Variants in FSTL4 observed in about 807,000 individuals in gnomAD.
The protein encoded by FSTL4 is follistatin-related protein 4.
Under a neutral mutation model 78.2 loss-of-function variants are expected in FSTL4, and 28 were observed. The ratio of observed to expected loss-of-function variants is 0.36; its 90% confidence interval spans 0.27 to 0.49. FSTL4 has a LOEUF of 0.49. FSTL4 is among the 20% of genes least tolerant of loss of function. The pLI, the probability that FSTL4 is intolerant of heterozygous loss-of-function variation, is 0.98. For missense variants in FSTL4, 922 were observed against 1,084.9 expected (o/e 0.85, Z 2.11); for synonymous variants, 422 against 440.5 (o/e 0.96, Z 0.53).
intron 3 of FSTL4, among the ~76,000 whole-genome samples, chr5:133,469,048 T>G (rs25878): frequency 0.47 from 71,720 of 151,990 alleles, 17,204 homozygotes; most frequent in Non-Finnish European, 0.52. Context: ...TGCACTGACC[T>G]CACAGAAGTC....
chr5:133,715,861 C>T, the FSTL4 span, among the ~76,000 whole-genome samples: 12 of 152,350 alleles, frequency 7.9e-5, no homozygotes, highest in East Asian at 1.7e-3. Context: ...TTTCCCCACT[C>T]AGCTCCACAG....
the FSTL4 span, among the ~76,000 whole-genome samples, chr5:133,738,490 G>A: frequency 6.6e-6 from 1 of 152,280 alleles, no homozygotes; most frequent in Non-Finnish European, 1.5e-5. Context: ...GAATGAGCCT[G>A]TGTACTTGAA....
the FSTL4 span, among the ~76,000 whole-genome samples, chr5:133,823,392 C>A: frequency 2.0e-5 from 3 of 152,206 alleles, no homozygotes; most frequent in Admixed American, 2.0e-4. Context: ...AATCTCTCCC[C>A]AGCCCTGCAC....
chr5:133,824,671 C>T, the FSTL4 span, among the ~76,000 whole-genome samples: 8 of 152,212 alleles, frequency 5.3e-5, no homozygotes, highest in Non-Finnish European at 1.0e-4. Flanking sequence ...ACACTGGAAG[C>T]ACCTGCTTGT....
At chr5:133,442,897 C>A (rs1757187653) in intron 3 of FSTL4, among the ~76,000 whole-genome samples, 1 of 152,226 alleles carries the variant, frequency 6.6e-6, no homozygotes, top group African/African-American at 2.4e-5. Context: ...ACACACCATA[C>A]CTTCTTCAAA....
the FSTL4 span, among the ~76,000 whole-genome samples, chr5:133,699,603 C>T: frequency 5.3e-5 from 8 of 152,154 alleles, no homozygotes; most frequent in South Asian, 2.1e-4. Flanking sequence ...GTGCCATGGC[C>T]GGGCGCGGTG....
chr5:133,818,941 A>ATATATATATATATATG, the FSTL4 span, among the ~76,000 whole-genome samples: 6 of 125,540 alleles, frequency 4.8e-5, 1 homozygote, highest in African/African-American at 1.9e-4. Context: ...CTATATATAT[A>ATATATATATATATATG]TATATGTACA....
At chr5:133,413,424 C>T (rs903955424) in intron 3 of FSTL4, among the ~76,000 whole-genome samples, 25 of 152,138 alleles carry the variant, frequency 1.6e-4, no homozygotes, top group Non-Finnish European at 3.5e-4. Flanking sequence ...ATAGCCTTTT[C>T]ATTCCCTTAT....
intron 4 of FSTL4, among the ~76,000 whole-genome samples, chr5:133,385,146 C>T (rs1256366372): frequency 6.6e-6 from 1 of 152,210 alleles, no homozygotes; most frequent in Non-Finnish European, 1.5e-5. Context: ...CCTCTTGGAC[C>T]CCCGCCACCG....
chr5:133,582,432 C>T (rs1301103141), intron 2 of FSTL4, among the ~76,000 whole-genome samples: 1 of 152,184 alleles, frequency 6.6e-6, no homozygotes, highest in Non-Finnish European at 1.5e-5. Flanking sequence ...TATCTGGTAG[C>T]TGCTGTCCAC....
At chr5:133,654,877 T>C in the FSTL4 span, among the ~76,000 whole-genome samples, 1 of 152,186 alleles carries the variant, frequency 6.6e-6, no homozygotes, top group African/African-American at 2.4e-5. Flanking sequence ...GAGAGCCCTC[T>C]GGTATTGCTT....
At chr5:133,835,487 C>T in the FSTL4 span, among the ~76,000 whole-genome samples, 1 of 152,180 alleles carries the variant, frequency 6.6e-6, no homozygotes, top group Non-Finnish European at 1.5e-5. Context: ...TAGTTAGACA[C>T]CCAGGAAGCA....
chr5:133,504,684 G>A (rs1431537449), intron 3 of FSTL4, among the ~76,000 whole-genome samples: 1 of 152,096 alleles, frequency 6.6e-6, no homozygotes, highest in African/African-American at 2.4e-5. Flanking sequence ...TCAGCTCCCA[G>A]AGCTCTCGTC....
chr5:133,785,245 C>CTG, the FSTL4 span, among the ~76,000 whole-genome samples: 920 of 152,322 alleles, frequency 6.0e-3, 3 homozygotes, highest in Non-Finnish European at 9.6e-3. Context: ...TCATGTGCAG[C>CTG]TGTGCTCCAA....
intron 3 of FSTL4, among the ~76,000 whole-genome samples, chr5:133,448,742 G>GC (rs1378772074): frequency 6.8e-5 from 10 of 146,848 alleles, no homozygotes; most frequent in East Asian, 2.0e-4. Flanking sequence ...GCGGGGGCGG[G>GC]GGGGGGGGGC....
At chr5:133,580,488 C>T (rs550944632) in intron 2 of FSTL4, among the ~76,000 whole-genome samples, 1 of 152,168 alleles carries the variant, frequency 6.6e-6, no homozygotes, top group Non-Finnish European at 1.5e-5. Flanking sequence ...CTGGAAGAAA[C>T]GGGCAACAAA....
rs1207827877 is a variant in FSTL4, at chr5:133,223,388, AT to A, written c.1339+801del. ...GTGAAGTTCTTGAGGAAAAAATGAG[AT>A]GGGAAATGTCTTGGTTTTCAAAGAG... On this transcript the variant is annotated intron_variant, in intron 11 of 15. Transcript: ENST00000265342. Among the ~76,000 whole-genome samples, 11 of 152,344 alleles carry A rather than the reference AT, an allele frequency of 7.2e-5. No individual in the cohort carries two copies. The South Asian group carries it at 2.3e-3, about 32-fold the overall frequency.
At position 133,589,300 on chromosome 5, in the gene FSTL4, A is replaced by AAAAAAAAAAAAAT. The variant is rs1208142898; in HGVS notation, c.126+14557_126+14558insATTTTTTTTTTTT. Among the ~76,000 whole-genome samples, 37 of 148,418 alleles carry AAAAAAAAAAAAAT rather than the reference A, an allele frequency of 2.5e-4. 1 individual carries two copies. Among genetic ancestry groups the AAAAAAAAAAAAAT allele is most frequent in the African/African-American group, 8.3e-4 (33 of 39,784 alleles). On this transcript the variant is annotated intron_variant, in intron 2 of 15. Transcript: ENST00000265342. ...TTAGAGTATAATAAAAAAAAAAAAA[A>AAAAAAAAAAAAAT]AGATCAAGGCCCCAGAACCTTGCTT...
intron 3 of FSTL4, among the ~76,000 whole-genome samples, chr5:133,496,050 A>C (rs31324): frequency 0.3 from 44,982 of 151,894 alleles, 6,671 homozygotes; most frequent in East Asian, 0.4. Flanking sequence ...TGCAGCTCTG[A>C]CGCTGGGAGC....
Sources: allele counts gnomAD v4.1 joint callset (sites outside exome capture counted in the v4.1 genomes callset), GRCh38; gene constraint gnomAD v4.1.1; transcripts MANE v1.5; gene names NCBI Gene and HGNC (gene_info 2026-07-23, HGNC 2026-07-21).